The following HS1BP3 variants were observed in gnomAD, a reference collection of about 807,000 sequenced individuals.
The protein encoded by HS1BP3 is HCLS1 binding protein 3.
Under a neutral mutation model 33.5 loss-of-function variants are expected in HS1BP3, and 32 were observed. The ratio of observed to expected loss-of-function variants is 0.95; its 90% confidence interval spans 0.72 to 1.28. The LOEUF is 1.28. Ranked by LOEUF, HS1BP3 falls within the 50% of genes most tolerant of loss-of-function variation. The pLI, the probability that HS1BP3 is intolerant of heterozygous loss-of-function variation, is 0.00. For synonymous variants in HS1BP3, 187 were observed against 209.2 expected, an observed-to-expected ratio of 0.89 and a Z score of 0.92; for missense variants, 486 against 502.3, an observed-to-expected ratio of 0.97 and a Z score of 0.31.
chr2:20,633,093 A>C (rs1219112369), intron 4 of HS1BP3, among the ~76,000 whole-genome samples: 1 of 152,234 alleles, frequency 6.6e-6, no homozygotes, highest in East Asian at 1.9e-4. Context: ...CAAAGAAAGA[A>C]ACAGGCTTGG....
rs138563133 is a variant in HS1BP3 at position 20,608,107 on chromosome 2, A to G, written c.179-9842T>C. On this transcript the variant is annotated intron_variant, in intron 2 of 3. Coordinates refer to the HS1BP3 transcript ENST00000415264. ...AATATTGTATCCTTCAACTTTGTCA[A>G]ATTCATATATTAGCTATAATAGTTT... Among the ~76,000 whole-genome samples the G allele has an allele frequency of 9.3e-3, 1,410 of 152,282 alleles. 12 individuals are homozygous for G. Among genetic ancestry groups the G allele is most frequent in the Non-Finnish European group, 0.014 (981 of 68,040 alleles).
chr2:20,568,234 C>T (rs1458943279), intron 5 of HS1BP3, among the ~76,000 whole-genome samples: 3 of 152,106 alleles, frequency 2.0e-5, no homozygotes. Context: ...TAGGGGGCTG[C>T]AGTCTCACAC....
intron 4 of HS1BP3, among the ~76,000 whole-genome samples, chr2:20,632,665 G>C (rs1242186913): frequency 6.6e-6 from 1 of 152,230 alleles, no homozygotes; most frequent in Non-Finnish European, 1.5e-5. Context: ...GGGGGAGCCT[G>C]AGGCGGGAAA....
At chr2:20,575,881 G>C (rs1359084711) in intron 5 of HS1BP3, among the ~76,000 whole-genome samples, 1 of 152,172 alleles carries the variant, frequency 6.6e-6, no homozygotes, top group Non-Finnish European at 1.5e-5. Flanking sequence ...CTTTTTAAAA[G>C]GTAGCTATTT....
chr2:20,579,493 T>C (rs1693481501), intron 5 of HS1BP3, among the ~76,000 whole-genome samples: 1 of 152,248 alleles, frequency 6.6e-6, no homozygotes, highest in Non-Finnish European at 1.5e-5. Flanking sequence ...CAGTTGGCCA[T>C]GCATTGGAGA....
At position 20,624,797 on chromosome 2, in the gene HS1BP3, C is replaced by A; in HGVS notation, c.719G>T (p.Gly240Val). The change falls in exon 5 of 7, where the codon GGG (glycine) becomes GTG (valine). Residue 240 changes from glycine (G) to valine (V), a missense_variant. By Grantham distance (109) the Gly-to-Val change is moderately radical. Transcript: ENST00000304031. ...IFDEEVDPDEGLFGPGRKLSP... is the reference protein window; with the variant it reads ...IFDEEVDPDEVLFGPGRKLSP... Reference sequence around the variant, plus strand: ...CAGCTTCCTGCCCGGGCCAAAGAGCCCCTCATCAGGGTCCACCTCCTCGTC... The same window carrying A: ...CAGCTTCCTGCCCGGGCCAAAGAGCACCTCATCAGGGTCCACCTCCTCGTC... 2 of 1,613,504 alleles carry A rather than the reference C, an allele frequency of 1.2e-6. No individual in the cohort carries two copies. The highest frequency in any genetic ancestry group is 1.7e-6 in the Non-Finnish European group (2 of 1,179,708).
intron 2 of HS1BP3, among the ~76,000 whole-genome samples, chr2:20,608,699 T>G (rs1283817301): frequency 1.3e-5 from 2 of 152,114 alleles, no homozygotes; most frequent in Admixed American, 1.3e-4. Flanking sequence ...ATCCTCTACT[T>G]TCTCCAGGGT....
chr2:20,595,324 C>G (rs1374536127), intron 3 of HS1BP3, among the ~76,000 whole-genome samples: 2 of 152,174 alleles, frequency 1.3e-5, no homozygotes. Flanking sequence ...GAAGGGGGAT[C>G]CTTTTCTAAT....
chr2:20,570,929 C>T (rs1268764422), intron 5 of HS1BP3, among the ~76,000 whole-genome samples: 11 of 152,102 alleles, frequency 7.2e-5, no homozygotes, highest in East Asian at 3.9e-4. Context: ...CCTCAGATGC[C>T]GGCTGGGAGC....
chr2:20,599,648 ACT>A lies in HS1BP3; in HGVS notation c.179-1385_179-1384del, dbSNP rs1244973904. 9.3e-3 allele frequency among the ~76,000 whole-genome samples: 1,225 copies of A among 132,056 alleles called. 27 individuals are homozygous for A. Among genetic ancestry groups the A allele is most frequent in the African/African-American group, 0.035 (1,183 of 33,632 alleles). 86.6% of individuals were successfully genotyped at this position (132,056 alleles called of 152,430 possible). The stretch of plus-strand genomic sequence containing the variant: ...CACACACACACACACACACACACAC[ACT>A]CTGTTTTTTTTTTTTTAAAGATCTG... On this transcript the variant is annotated intron_variant, in intron 2 of 3. Coordinates refer to the HS1BP3 transcript ENST00000415264.
chr2:20,568,711 T>C (rs1490707878), intron 5 of HS1BP3, among the ~76,000 whole-genome samples: 1 of 152,018 alleles, frequency 6.6e-6, no homozygotes, highest in Non-Finnish European at 1.5e-5. Context: ...CCACATCCCA[T>C]TCCACACTCA....
intron 5 of HS1BP3, among the ~76,000 whole-genome samples, chr2:20,565,432 C>T (rs1277352097): frequency 6.6e-6 from 1 of 152,212 alleles, no homozygotes; most frequent in South Asian, 2.1e-4. Flanking sequence ...CCCCTGTCCC[C>T]CGCCAGACCC....
At chr2:20,562,936 C>A (rs533711374) in intron 5 of HS1BP3, among the ~76,000 whole-genome samples, 30 of 152,344 alleles carry the variant, frequency 2.0e-4, no homozygotes, top group Middle Eastern at 3.4e-3. Context: ...TCCCTCTCCA[C>A]CAACCTCCCC....
chr2:20,579,322 A>C (rs973536772), intron 5 of HS1BP3, among the ~76,000 whole-genome samples: 3 of 152,264 alleles, frequency 2.0e-5, no homozygotes, highest in Non-Finnish European at 4.4e-5. Context: ...AGGCCAGAGC[A>C]TCCAGCCTCC....
chr2:20,609,185 G>A (rs1694263877), intron 2 of HS1BP3, among the ~76,000 whole-genome samples: 1 of 152,170 alleles, frequency 6.6e-6, no homozygotes, highest in Admixed American at 6.5e-5. Flanking sequence ...GGCAGAGGCC[G>A]CCAGGCGCTG....
rs773238839 is a variant in HS1BP3, at chr2:20,645,371, T to G, written c.167A>C (p.Lys56Thr). The G allele has an allele frequency of 1.2e-6, 2 of 1,613,972 alleles. No individual in the cohort carries two copies. The highest frequency in any genetic ancestry group is 3.3e-5 in the Admixed American group (2 of 60,018). Residue 56 changes from lysine to threonine, a missense_variant, in exon 2 of 7, where the codon AAG becomes ACG. Coordinates refer to ENST00000304031, the MANE Select transcript of HS1BP3 (RefSeq NM_022460.4). ...CTGGACGACATCCTCGGGCCTGTGC[T>G]TGGCCGACTTGAACGCAGCCAGACG... Reference protein sequence around the residue: ...VTRLAAFKSAKHRPEDVVQFL... With the variant: ...VTRLAAFKSATHRPEDVVQFL...
At chr2:20,600,955 G>C (rs957513099) in intron 2 of HS1BP3, among the ~76,000 whole-genome samples, 5 of 152,112 alleles carry the variant, frequency 3.3e-5, no homozygotes, top group African/African-American at 1.2e-4. Context: ...ACCCACAAGA[G>C]GGCACTGTTT....
intron 4 of HS1BP3, among the ~76,000 whole-genome samples, chr2:20,634,213 C>A (rs1258462618): frequency 3.9e-5 from 6 of 152,226 alleles, no homozygotes; most frequent in Non-Finnish European, 8.8e-5. Flanking sequence ...TGACGGCTGA[C>A]CTGCCACTCT....
intron 5 of HS1BP3, among the ~76,000 whole-genome samples, chr2:20,570,779 G>A (rs941506590): frequency 2.0e-5 from 3 of 152,180 alleles, no homozygotes; most frequent in Admixed American, 6.5e-5. Flanking sequence ...CTGGAGGCTT[G>A]GAGCAAGTGG....
Sources: gnomAD v4.1 joint callset for allele counts (sites outside exome capture counted in the v4.1 genomes callset) on GRCh38, gnomAD v4.1.1 for gene constraint, MANE v1.5 for transcripts, NCBI Gene and HGNC (gene_info 2026-07-23, HGNC 2026-07-21) for gene names.